HTR1F: variants seen among roughly 807,000 people sequenced by gnomAD.
The protein encoded by HTR1F is 5-hydroxytryptamine (serotonin) receptor 1F, G protein-coupled.
HTR1F carries 17 observed loss-of-function variants against 24.0 expected under a neutral mutation model. That is an observed-to-expected ratio of 0.71 (90% confidence interval 0.48 to 1.06). The LOEUF (loss-of-function observed/expected upper bound fraction) is 1.06, where lower values mean the gene tolerates loss of function less well. Among genes scored for constraint, HTR1F ranks in the 50% least tolerant of loss-of-function variants. The probability of loss-of-function intolerance (pLI) is 0.00; values close to 1 mark genes in which losing one functional copy is unlikely to be tolerated. For synonymous variants in HTR1F, 186 were observed against 156.8 expected (o/e 1.19, Z -1.39); for missense variants, 391 against 427.8 (o/e 0.91, Z 0.76).
At chr3:87,822,515 A>G (rs1704379438) in intron 2 of HTR1F, among the ~76,000 whole-genome samples, 1 of 152,270 alleles carries the variant, frequency 6.6e-6, no homozygotes, top group Non-Finnish European at 1.5e-5. Flanking sequence ...CTTCTCAATT[A>G]TAATAATGAT....
intron 2 of HTR1F, among the ~76,000 whole-genome samples, chr3:87,905,425 G>A (rs748718368): frequency 3.3e-5 from 5 of 150,984 alleles, no homozygotes; most frequent in Non-Finnish European, 7.4e-5. Context: ...TTTTTTCACT[G>A]ACATTTTTGC....
intron 2 of HTR1F, among the ~76,000 whole-genome samples, chr3:87,968,283 G>A (rs1437286319): frequency 6.6e-6 from 1 of 151,996 alleles, no homozygotes; most frequent in Non-Finnish European, 1.5e-5. Flanking sequence ...CACGATCTTG[G>A]CTCACTGCAA....
At position 87,865,960 on chromosome 3, in the gene HTR1F, A is replaced by G. The variant is rs144453738; in HGVS notation, c.-43+43836A>G. Among the ~76,000 whole-genome samples, 591 of 152,280 alleles carry G rather than the reference A, an allele frequency of 3.9e-3. 7 individuals are homozygous for G. Among genetic ancestry groups the G allele is most frequent in the African/African-American group, 0.014 (568 of 41,574 alleles). On this transcript the variant is annotated intron_variant, in intron 2 of 2. Transcript: ENST00000319595. ...AAAAAGTTGATATCAATCACCAGCAATGAATGAGGGTTTCATTTGCTCCAC... is the reference window on the plus strand; with the variant it reads ...AAAAAGTTGATATCAATCACCAGCAGTGAATGAGGGTTTCATTTGCTCCAC...
At chr3:87,808,260 T>C (rs565352008) in intron 1 of HTR1F, among the ~76,000 whole-genome samples, 1 of 152,004 alleles carries the variant, frequency 6.6e-6, no homozygotes, top group African/African-American at 2.4e-5. Flanking sequence ...ACTTCTGTTG[T>C]TGGGAGACTG....
intron 1 of HTR1F, among the ~76,000 whole-genome samples, chr3:87,808,232 G>A (rs909060605): frequency 1.3e-5 from 2 of 151,864 alleles, no homozygotes; most frequent in Non-Finnish European, 1.5e-5. Flanking sequence ...ATTTGGCAGT[G>A]AAACCATTAG....
rs1706093918 is a variant in HTR1F, at chr3:87,891,872, AC to A, written c.-43+69750del. On this transcript the variant is annotated intron_variant, in intron 2 of 2. Coordinates refer to ENST00000319595, the MANE Select transcript of HTR1F (RefSeq NM_001322209.2). The stretch of plus-strand genomic sequence containing the variant: ...TTTCAACTTCATTAACTTTATAATC[AC>A]CACTGTAATTAGTCTCTGACTACTG... Among the ~76,000 whole-genome samples the A allele has an allele frequency of 2.6e-5, 4 of 152,142 alleles. No homozygotes were observed. In the South Asian group the frequency reaches 6.2e-4, roughly 24 times the overall value.
chr3:87,872,326 C>A (rs990491258), intron 2 of HTR1F, among the ~76,000 whole-genome samples: 1 of 152,020 alleles, frequency 6.6e-6, no homozygotes, highest in Non-Finnish European at 1.5e-5. Context: ...AATCAACAAC[C>A]TGACTTATTT....
At chr3:87,845,866 A>G (rs962405995) in intron 2 of HTR1F, among the ~76,000 whole-genome samples, 3 of 151,942 alleles carry the variant, frequency 2.0e-5, no homozygotes, top group East Asian at 1.9e-4. Flanking sequence ...TCCTCTGCAA[A>G]TATTATTTTG....
At chr3:87,861,306 T>G (rs1351240254) in intron 2 of HTR1F, among the ~76,000 whole-genome samples, 1 of 152,190 alleles carries the variant, frequency 6.6e-6, no homozygotes, top group Non-Finnish European at 1.5e-5. Flanking sequence ...AACATTTTGT[T>G]CACTCTTCCT....
intron 2 of HTR1F, among the ~76,000 whole-genome samples, chr3:87,856,888 G>T (rs923476): frequency 0.44 from 67,412 of 151,614 alleles, 18,564 homozygotes; most frequent in African/African-American, 0.79. Context: ...CATTAAATGT[G>T]AACCTTCTGA....
rs548247821 is a variant in HTR1F at position 87,894,404 on chromosome 3, G to A, written c.-43+72280G>A. Reference sequence around the variant, plus strand: ...CCCGAGTAGCTGGGATTATGGGCACGCACCACCATGCCTGGGTAATTTTTG... The same window carrying A: ...CCCGAGTAGCTGGGATTATGGGCACACACCACCATGCCTGGGTAATTTTTG... On this transcript the variant is annotated intron_variant, in intron 2 of 2. Transcript: ENST00000319595. Among the ~76,000 whole-genome samples the A allele has an allele frequency of 2.8e-4, 42 of 151,788 alleles. 1 individual carries two copies. The South Asian group carries it at 8.6e-3, about 31-fold the overall frequency.
At chr3:87,972,467 C>T (rs569247246) in intron 2 of HTR1F, among the ~76,000 whole-genome samples, 104 of 152,306 alleles carry the variant, frequency 6.8e-4, no homozygotes, top group African/African-American at 2.5e-3. Flanking sequence ...CTGGTGACTA[C>T]AGATGCACAA....
intron 2 of HTR1F, among the ~76,000 whole-genome samples, chr3:87,880,646 T>TTGTG (rs10540515): frequency 0.031 from 4,510 of 147,246 alleles, 152 homozygotes; most frequent in African/African-American, 0.083. Context: ...GTGTGTTTGT[T>TTGTG]TGTGTGTGTG....
At chr3:87,903,778 T>C (rs1404990775) in intron 2 of HTR1F, among the ~76,000 whole-genome samples, 1 of 152,216 alleles carries the variant, frequency 6.6e-6, no homozygotes, top group Non-Finnish European at 1.5e-5. Flanking sequence ...TTACTGGGTA[T>C]ATACCCAAAG....
At chr3:87,908,927 T>C (rs1486634293) in intron 2 of HTR1F, among the ~76,000 whole-genome samples, 2 of 152,088 alleles carry the variant, frequency 1.3e-5, no homozygotes, top group Admixed American at 1.3e-4. Flanking sequence ...TAACAAAAGA[T>C]AAAAACATAT....
intron 2 of HTR1F, among the ~76,000 whole-genome samples, chr3:87,847,772 C>A (rs1173074608): frequency 6.6e-6 from 1 of 151,826 alleles, no homozygotes; most frequent in African/African-American, 2.4e-5. Context: ...TTAGTCCCCA[C>A]ATGTGAGGGA....
At chr3:87,906,901 A>G (rs530225877) in intron 2 of HTR1F, among the ~76,000 whole-genome samples, 11 of 152,104 alleles carry the variant, frequency 7.2e-5, no homozygotes, top group Non-Finnish European at 1.5e-4. Flanking sequence ...ATTCCATGGT[A>G]TATATACACC....
rs1374676406 is a variant in HTR1F, at chr3:87,875,918, C to T, written c.-43+53794C>T. Reference sequence around the variant, plus strand: ...CAGCCTGGGCAGAAGAGCAAGGCTCCGTCTCAAAAAAAAAAAAAAAAAAGG... The same window carrying T: ...CAGCCTGGGCAGAAGAGCAAGGCTCTGTCTCAAAAAAAAAAAAAAAAAAGG... On this transcript the variant is annotated intron_variant, in intron 2 of 2. Coordinates refer to ENST00000319595, the MANE Select transcript of HTR1F (RefSeq NM_001322209.2). 6.2e-5 allele frequency among the ~76,000 whole-genome samples: 8 copies of T among 128,458 alleles called. No individual in the cohort carries two copies. In the East Asian group the frequency reaches 9.0e-4, roughly 14 times the overall value. 84.3% of individuals were successfully genotyped at this position (128,458 alleles called of 152,430 possible). A position where few individuals can be genotyped will look rare whatever the true frequency, so the allele number is the denominator to read the frequency against.
At chr3:87,975,444 T>C (rs1229910294) in intron 2 of HTR1F, among the ~76,000 whole-genome samples, 4 of 152,156 alleles carry the variant, frequency 2.6e-5, no homozygotes, top group African/African-American at 7.2e-5. Context: ...AGTTTTCCTT[T>C]CTTATCATTC....
Sources: gnomAD v4.1 joint callset for allele counts (sites outside exome capture counted in the v4.1 genomes callset) on GRCh38, gnomAD v4.1.1 for gene constraint, MANE v1.5 for transcripts, NCBI Gene and HGNC (gene_info 2026-07-23, HGNC 2026-07-21) for gene names.